Variants in KIAA0513 observed in about 807,000 individuals in gnomAD.
KIAA0513 encodes the protein uncharacterized protein KIAA0513.
A neutral mutation model predicts 56.5 loss-of-function variants in KIAA0513; 39 were observed. The observed-to-expected ratio is 0.69, with a 90% CI of 0.53 to 0.90. The LOEUF is 0.90. Among genes scored for constraint, KIAA0513 ranks in the 40% least tolerant of loss-of-function variants. KIAA0513 has a pLI of 0.00. For missense variants in KIAA0513, 591 were observed against 535.2 expected (o/e 1.10, Z -1.03); for synonymous variants, 268 against 215.6 (o/e 1.24, Z -2.13).
chr16:85,053,686 G>A (rs2073286520), intron 1 of KIAA0513, among the ~76,000 whole-genome samples: 2 of 151,954 alleles, frequency 1.3e-5, no homozygotes, highest in Admixed American at 1.3e-4. Context: ...ATAGTGAGAA[G>A]TTGTCACTAC....
chr16:85,036,219 A>G (rs2073034299), intron 1 of KIAA0513, among the ~76,000 whole-genome samples: 1 of 152,152 alleles, frequency 6.6e-6, no homozygotes, highest in Non-Finnish European at 1.5e-5. Flanking sequence ...TTTCAATTGT[A>G]CAATTCAGTG....
chr16:85,070,560 C>A (rs985103632), intron 2 of KIAA0513, among the ~76,000 whole-genome samples: 9 of 152,150 alleles, frequency 5.9e-5, no homozygotes, highest in Non-Finnish European at 1.3e-4. Flanking sequence ...TGCCTGTAAT[C>A]CCTGCTACTC....
chr16:85,059,176 G>A (rs1181126359), intron 1 of KIAA0513, among the ~76,000 whole-genome samples: 1 of 152,224 alleles, frequency 6.6e-6, no homozygotes, highest in Admixed American at 6.5e-5. Context: ...GGCTCAGATA[G>A]GGTGTCATCA....
intron 4 of KIAA0513, among the ~76,000 whole-genome samples, chr16:85,075,289 G>A (rs1476330118): frequency 1.3e-5 from 2 of 152,046 alleles, no homozygotes; most frequent in East Asian, 1.9e-4. Context: ...ACCCAAACAG[G>A]AAAGAAAAGT....
intron 1 of KIAA0513, among the ~76,000 whole-genome samples, chr16:85,038,994 G>A (rs933537741): frequency 6.6e-5 from 10 of 152,172 alleles, no homozygotes; most frequent in African/African-American, 2.2e-4. Context: ...ACAGATGATG[G>A]CTATAGTATT....
intron 1 of KIAA0513, among the ~76,000 whole-genome samples, chr16:85,061,614 A>G (rs2073406206): frequency 6.6e-6 from 1 of 152,194 alleles, no homozygotes; most frequent in South Asian, 2.1e-4. Flanking sequence ...GCTCACAGAA[A>G]GTTCCAGATT....
At chr16:85,082,024 C>T (rs966348947) in intron 9 of KIAA0513, among the ~76,000 whole-genome samples, 1 of 152,230 alleles carries the variant, frequency 6.6e-6, no homozygotes, top group Non-Finnish European at 1.5e-5. Context: ...TGACTGAAGT[C>T]TGAACCTCTC....
At chr16:85,032,214 G>A (rs1449745419) in intron 1 of KIAA0513, among the ~76,000 whole-genome samples, 5 of 152,204 alleles carry the variant, frequency 3.3e-5, no homozygotes, top group Non-Finnish European at 7.3e-5. Context: ...TGCCCCTGTG[G>A]CCACATGGCC....
At chr16:85,073,098 T>A in intron 4 of KIAA0513, 100 bp downstream of exon 4, 1 of 953,862 alleles carries the variant, frequency 1.0e-6, no homozygotes, top group Non-Finnish European at 1.7e-6. Flanking sequence ...CTGTGAACCA[T>A]ATCCACACTA....
At chr16:85,086,551 T>G (rs1186556738) in intron 10 of KIAA0513, 93 bp from the exon 11 acceptor site, 2 of 1,229,098 alleles carry the variant, frequency 1.6e-6, no homozygotes, top group African/African-American at 1.5e-5. Flanking sequence ...CGTACATGGG[T>G]GCCGCCAGCA....
chr16:85,053,168 C>T (rs909227251), intron 1 of KIAA0513, among the ~76,000 whole-genome samples: 4 of 152,170 alleles, frequency 2.6e-5, no homozygotes, highest in South Asian at 2.1e-4. Flanking sequence ...GGATTACAGG[C>T]GTGAGCCACC....
chr16:85,068,162 CTT>C (rs35138609), intron 2 of KIAA0513, among the ~76,000 whole-genome samples: 2 of 138,304 alleles, frequency 1.4e-5, no homozygotes, highest in South Asian at 2.3e-4. Flanking sequence ...TCCACGCATT[CTT>C]TTTTTTTTTT....
In KIAA0513 at chr16:85,088,386, G is replaced by A. The variant is rs561356200; in HGVS notation, c.*61G>A. On this transcript the variant is annotated 3_prime_UTR_variant, in exon 13 of 13. Transcript: ENST00000683363. ...CATGTGCCATTCTCCCGGGCCCAGC[G>A]CCCGGCCGTCACCCCACCCGATGAC... 4.1e-5 allele frequency: 61 copies of A among 1,484,198 alleles called. 1 individual carries two copies. In the South Asian group the frequency reaches 5.9e-4, roughly 14 times the overall value. The allele number at this position is 1,484,198 out of a possible 1,614,324, so 91.9% of individuals were successfully genotyped here.
chr16:85,029,884 T>C (rs2072939093), intron 1 of KIAA0513, among the ~76,000 whole-genome samples: 1 of 152,220 alleles, frequency 6.6e-6, no homozygotes, highest in South Asian at 2.1e-4. Flanking sequence ...TTTGTTATCG[T>C]TCCCATGTCA....
intron 1 of KIAA0513, among the ~76,000 whole-genome samples, chr16:85,052,521 ATCAG>A (rs2143930380): frequency 6.6e-6 from 1 of 152,270 alleles, no homozygotes; most frequent in East Asian, 1.9e-4. Context: ...TCTCAAATCA[ATCAG>A]TCAATCAGTC....
At chr16:85,045,812 C>T (rs1439878700) in intron 1 of KIAA0513, among the ~76,000 whole-genome samples, 1 of 152,222 alleles carries the variant, frequency 6.6e-6, no homozygotes, top group Non-Finnish European at 1.5e-5. Context: ...ACGAGTGCCA[C>T]CTGCATCAGC....
intron 1 of KIAA0513, among the ~76,000 whole-genome samples, chr16:85,050,842 C>T (rs2073243280): frequency 6.6e-6 from 1 of 152,198 alleles, no homozygotes; most frequent in Admixed American, 6.6e-5. Context: ...ACAGAGCCTG[C>T]CCTTCACAGG....
intron 1 of KIAA0513, among the ~76,000 whole-genome samples, chr16:85,034,749 A>G (rs552137359): frequency 2.0e-5 from 3 of 152,284 alleles, no homozygotes; most frequent in African/African-American, 7.2e-5. Context: ...AGCCCTCACC[A>G]AAACAGTATA....
At chr16:85,054,755 A>T (rs138320286) in intron 1 of KIAA0513, among the ~76,000 whole-genome samples, 9 of 151,864 alleles carry the variant, frequency 5.9e-5, no homozygotes, top group African/African-American at 2.2e-4. Flanking sequence ...GTACAGTATC[A>T]TCCTGTCGCC....
Sources: allele counts gnomAD v4.1 joint callset (sites outside exome capture counted in the v4.1 genomes callset), GRCh38; gene constraint gnomAD v4.1.1; transcripts MANE v1.5; gene names NCBI Gene and HGNC (gene_info 2026-07-23, HGNC 2026-07-21).